The following FAF1 variants were observed in gnomAD, a reference collection of about 807,000 sequenced individuals.
FAF1 encodes the protein FAS-associated factor 1.
FAF1 carries 25 observed loss-of-function variants against 92.5 expected under a neutral mutation model. That is an observed-to-expected ratio of 0.27 (90% CI 0.20 to 0.38). The LOEUF (loss-of-function observed/expected upper bound fraction) is 0.38, where lower values mean the gene tolerates loss of function less well. Among genes scored for constraint, FAF1 ranks in the 10% least tolerant of loss-of-function variants. FAF1 has a pLI of 1.00. For synonymous variants in FAF1, 234 were observed against 273.2 expected (o/e 0.86, Z 1.42); for missense variants, 636 against 793.3 (o/e 0.80, Z 2.38).
In FAF1 at chr1:50,463,324, T is replaced by G. The variant is rs556318033; in HGVS notation, c.1869+12140A>C. Among the ~76,000 whole-genome samples the G allele has an allele frequency of 8.5e-5, 13 of 152,312 alleles. No homozygotes were observed. The South Asian group carries it at 2.3e-3, about 27-fold the overall frequency. Reference sequence around the variant, plus strand: ...CCTGGTTTCCCCTGGACTTTGCCCATGTACCTTTTTTCTTCAATAATTTTG... The same window carrying G: ...CCTGGTTTCCCCTGGACTTTGCCCAGGTACCTTTTTTCTTCAATAATTTTG... On this transcript the variant is annotated intron_variant, in intron 18 of 18. Coordinates refer to ENST00000396153, the MANE Select transcript of FAF1 (RefSeq NM_007051.3).
At chr1:50,943,962 A>C (rs1172385599) in intron 1 of FAF1, among the ~76,000 whole-genome samples, 2 of 152,222 alleles carry the variant, frequency 1.3e-5, no homozygotes, top group Non-Finnish European at 2.9e-5. Context: ...GTCGCAGCAC[A>C]AGGTTCCCAC....
chr1:50,757,122 CTTAAT>C (rs1400138159), intron 4 of FAF1, among the ~76,000 whole-genome samples: 5 of 152,320 alleles, frequency 3.3e-5, no homozygotes, highest in South Asian at 2.1e-4. Flanking sequence ...ACACTTGTCA[CTTAAT>C]TTAAACAATT....
chr1:50,446,596 A>G (rs1646230354), intron 18 of FAF1, among the ~76,000 whole-genome samples: 1 of 152,240 alleles, frequency 6.6e-6, no homozygotes, highest in Non-Finnish European at 1.5e-5. Context: ...GTAATACTAA[A>G]AAGAATAGCA....
intron 1 of FAF1, among the ~76,000 whole-genome samples, chr1:50,958,661 G>C (rs1000681379): frequency 1.3e-5 from 2 of 149,314 alleles, no homozygotes; most frequent in Non-Finnish European, 3.0e-5. Flanking sequence ...CTGGGCGACA[G>C]AGCGAGACTC....
At chr1:50,475,785 A>T in intron 17 of FAF1, 106 bp from the exon 18 acceptor site, 1 of 667,062 alleles carries the variant, frequency 1.5e-6, no homozygotes. Flanking sequence ...AAATTCATTG[A>T]AAAGTCACTG....
At chr1:50,795,173 G>A (rs2124583558) in intron 3 of FAF1, among the ~76,000 whole-genome samples, 1 of 152,244 alleles carries the variant, frequency 6.6e-6, no homozygotes, top group Non-Finnish European at 1.5e-5. Flanking sequence ...ACTATGGAGT[G>A]CCTAAACTGC....
chr1:50,826,367 A>G (rs1380527522), intron 2 of FAF1, among the ~76,000 whole-genome samples: 3 of 151,986 alleles, frequency 2.0e-5, no homozygotes, highest in African/African-American at 7.2e-5. Flanking sequence ...CTTAGCCAAC[A>G]TGGTGAAACC....
chr1:50,552,161 G>A (rs1004955165), intron 13 of FAF1, among the ~76,000 whole-genome samples: 2 of 152,088 alleles, frequency 1.3e-5, no homozygotes, highest in Admixed American at 1.3e-4. Context: ...GCCAGGCATG[G>A]TAGTGTGCGT....
intron 15 of FAF1, among the ~76,000 whole-genome samples, chr1:50,520,639 G>A (rs1647451670): frequency 6.6e-6 from 1 of 152,112 alleles, no homozygotes; most frequent in Non-Finnish European, 1.5e-5. Context: ...TTGAGTCCAG[G>A]AGTTCAAGAC....
chr1:50,479,674 C>T (rs1413992996), intron 17 of FAF1, among the ~76,000 whole-genome samples: 3 of 152,100 alleles, frequency 2.0e-5, no homozygotes, highest in Admixed American at 6.5e-5. Flanking sequence ...ACATTATTGT[C>T]TGAATTCAAC....
chr1:50,625,221 A>G lies in FAF1; in HGVS notation c.745-29005T>C, dbSNP rs183454457. On this transcript the variant is annotated intron_variant, in intron 8 of 18. Transcript: ENST00000396153. Reference sequence around the variant, plus strand: ...GGCAGAGAATCCTACACTCTTAACAACAATACAGGGAATCCACTACTACAG... The same window carrying G: ...GGCAGAGAATCCTACACTCTTAACAGCAATACAGGGAATCCACTACTACAG... Among the ~76,000 whole-genome samples the G allele has an allele frequency of 7.2e-3, 1,094 of 152,250 alleles. 8 individuals are homozygous for G. The highest frequency in any genetic ancestry group is 0.012 in the Non-Finnish European group (821 of 68,008).
chr1:50,958,809 T>C (rs1645292181), intron 1 of FAF1, among the ~76,000 whole-genome samples: 1 of 152,030 alleles, frequency 6.6e-6, no homozygotes, highest in African/African-American at 2.4e-5. Flanking sequence ...CTGTGCAATG[T>C]GAGTATTAAA....
At chr1:50,612,978 C>A (rs1652747835) in intron 8 of FAF1, among the ~76,000 whole-genome samples, 1 of 152,158 alleles carries the variant, frequency 6.6e-6, no homozygotes, top group South Asian at 2.1e-4. Context: ...GAAGACACAG[C>A]CTGGATCTTA....
chr1:50,719,364 C>T (rs1349195702), intron 6 of FAF1, among the ~76,000 whole-genome samples: 2 of 152,112 alleles, frequency 1.3e-5, no homozygotes, highest in Admixed American at 6.6e-5. Context: ...ATCTTAAAAC[C>T]ATGTTTAACG....
chr1:50,563,805 T>C (rs1377439628), intron 13 of FAF1, among the ~76,000 whole-genome samples: 1 of 152,220 alleles, frequency 6.6e-6, no homozygotes, highest in African/African-American at 2.4e-5. Context: ...TGGAATGTTC[T>C]AAGATCAACC....
intron 1 of FAF1, among the ~76,000 whole-genome samples, chr1:50,956,407 T>G (rs1304479992): frequency 6.6e-6 from 1 of 152,210 alleles, no homozygotes; most frequent in Non-Finnish European, 1.5e-5. Flanking sequence ...TTTTCCACAT[T>G]TAGACACAGT....
intron 1 of FAF1, among the ~76,000 whole-genome samples, chr1:50,892,376 A>C (rs370687801): frequency 6.6e-6 from 1 of 152,208 alleles, no homozygotes; most frequent in East Asian, 1.9e-4. Context: ...GACAAGCCCC[A>C]GTGAGATGAA....
At chr1:50,888,665 T>C (rs56215652) in intron 1 of FAF1, among the ~76,000 whole-genome samples, 2 of 152,160 alleles carry the variant, frequency 1.3e-5, no homozygotes, top group Admixed American at 6.6e-5. Flanking sequence ...CTGGATTACG[T>C]TTACTGATTT....
At chr1:50,701,372 T>A (rs1657467152) in intron 7 of FAF1, among the ~76,000 whole-genome samples, 1 of 149,946 alleles carries the variant, frequency 6.7e-6, no homozygotes. Context: ...ACCCCAACCC[T>A]CCCCATACTG....
Sources: gnomAD v4.1 joint callset for allele counts (sites outside exome capture counted in the v4.1 genomes callset) on GRCh38, gnomAD v4.1.1 for gene constraint, MANE v1.5 for transcripts, NCBI Gene and HGNC (gene_info 2026-07-23, HGNC 2026-07-21) for gene names.